Variants in MEF2A observed in about 807,000 individuals in gnomAD.
MEF2A encodes the protein myocyte-specific enhancer factor 2A.
A neutral mutation model predicts 55.8 loss-of-function variants in MEF2A; 28 were observed. That is an observed-to-expected ratio of 0.50 (90% confidence interval 0.37 to 0.69). The LOEUF (loss-of-function observed/expected upper bound fraction) is 0.69, where lower values mean the gene tolerates loss of function less well. Among genes scored for constraint, MEF2A ranks in the 30% least tolerant of loss-of-function variants. MEF2A has a pLI of 0.00. For missense variants in MEF2A, 528 were observed against 626.2 expected, an observed-to-expected ratio of 0.84 and a Z score of 1.67; for synonymous variants, 239 against 227.1, an observed-to-expected ratio of 1.05 and a Z score of -0.47.
At chr15:99,658,178 A>G (rs951194391) in intron 4 of MEF2A, among the ~76,000 whole-genome samples, 4 of 152,178 alleles carry the variant, frequency 2.6e-5, no homozygotes, top group East Asian at 1.9e-4. Context: ...TTCACTTTCT[A>G]TGTTTTAAGA....
chr15:99,709,253 A>G (rs1291564878), intron 10 of MEF2A, among the ~76,000 whole-genome samples: 1 of 152,162 alleles, frequency 6.6e-6, no homozygotes, highest in Admixed American at 6.5e-5. Flanking sequence ...AGGGAAGGGA[A>G]GTAGCAAGGA....
At chr15:99,710,445 G>A (rs2058512124) in intron 10 of MEF2A, among the ~76,000 whole-genome samples, 189 bp from the exon 11 acceptor site, 1 of 152,192 alleles carries the variant, frequency 6.6e-6, no homozygotes, top group African/African-American at 2.4e-5. Context: ...GTTTCACCAT[G>A]TTGTCCAGGC....
At chr15:99,632,707 C>G in intron 2 of MEF2A, among the ~76,000 whole-genome samples, 1 of 152,144 alleles carries the variant, frequency 6.6e-6, no homozygotes. Context: ...CTCAGTAAGG[C>G]TTGGCTCTTG....
chr15:99,648,692 C>G (rs1307779787), intron 4 of MEF2A, among the ~76,000 whole-genome samples: 1 of 152,108 alleles, frequency 6.6e-6, no homozygotes, highest in Non-Finnish European at 1.5e-5. Context: ...TTTACTTTCC[C>G]TATATTACTG....
intron 7 of MEF2A, among the ~76,000 whole-genome samples, chr15:99,689,026 G>C (rs1245899605): frequency 1.3e-5 from 2 of 152,098 alleles, no homozygotes; most frequent in East Asian, 3.9e-4. Flanking sequence ...ACTGACTACA[G>C]TATTCATGAA....
Position 99,712,586 on chromosome 15 carries a change from C to T in MEF2A, c.1333C>T (p.Arg445Ter), listed in dbSNP as rs1280505902. 5 of 1,551,702 alleles carry T rather than the reference C, an allele frequency of 3.2e-6. No homozygotes were observed. Among genetic ancestry groups the T allele is most frequent in the Middle Eastern group, 1.7e-4 (1 of 5,990 alleles). Residue 445 changes from arginine (R) to a stop codon, truncating the protein, a stop_gained, in exon 12 of 12, where the codon CGA becomes TGA. Transcript: ENST00000557942. LOFTEE classifies it high-confidence loss of function. The surrounding 1 kb of genome is among the most constrained non-coding windows in gnomAD (Gnocchi z 4.1). Reference sequence around the variant, plus strand: ...GCCACAACCCCCGCAGCCCCAGCCCCGACAGGAAATGGGGCGCTCCCCTGT... The same window carrying T: ...GCCACAACCCCCGCAGCCCCAGCCCTGACAGGAAATGGGGCGCTCCCCTGT... ...PQPQPPQPQP[R>*]QEMGRSPVDS... is the part of the protein sequence containing the mutation.
intron 1 of MEF2A, among the ~76,000 whole-genome samples, chr15:99,586,447 T>C (rs956287016): frequency 2.6e-5 from 4 of 152,246 alleles, no homozygotes; most frequent in African/African-American, 9.6e-5. Context: ...TAAATGCTTT[T>C]CATTTACTGA....
intron 7 of MEF2A, among the ~76,000 whole-genome samples, chr15:99,676,367 G>T (rs2052032605): frequency 6.6e-6 from 1 of 150,940 alleles, no homozygotes; most frequent in Non-Finnish European, 1.5e-5. Context: ...TTAGTTGTTT[G>T]TATGCCTACA....
intron 2 of MEF2A, among the ~76,000 whole-genome samples, chr15:99,613,191 A>G (rs2039598122): frequency 6.6e-6 from 1 of 152,008 alleles, no homozygotes; most frequent in African/African-American, 2.4e-5. Context: ...TTTAAAAAGT[A>G]CTCTTGCTTG....
rs1452492686 is a variant in MEF2A at position 99,708,158 on chromosome 15, C to T, written c.1009+1303C>T. Among the ~76,000 whole-genome samples, 5 of 152,324 alleles carry T rather than the reference C, an allele frequency of 3.3e-5. No homozygotes were observed. In the South Asian group the frequency reaches 8.3e-4, roughly 25 times the overall value. ...ATCACCTGCTCTGTGAGAGACTGTA[C>T]TAGGGACATAGCTTTCTCCAAGTTT... is the stretch of plus-strand genomic sequence containing the variant. On this transcript the variant is annotated intron_variant, in intron 10 of 11. Coordinates refer to ENST00000557942, the MANE Select transcript of MEF2A (RefSeq NM_001319206.4).
intron 1 of MEF2A, among the ~76,000 whole-genome samples, chr15:99,574,094 T>C (rs1963460546): frequency 2.0e-5 from 3 of 152,192 alleles, no homozygotes; most frequent in Non-Finnish European, 4.4e-5. Flanking sequence ...AGAGAAAAGT[T>C]ACAAGAATAG....
At chr15:99,673,681 G>C (rs1297515785) in intron 5 of MEF2A, among the ~76,000 whole-genome samples, 1 of 152,130 alleles carries the variant, frequency 6.6e-6, no homozygotes, top group Non-Finnish European at 1.5e-5. Flanking sequence ...GAATAATTTG[G>C]AGGGAGGGAA....
intron 8 of MEF2A, among the ~76,000 whole-genome samples, chr15:99,691,103 T>TTTG (rs1483909380): frequency 6.7e-6 from 1 of 149,584 alleles, no homozygotes; most frequent in Non-Finnish European, 1.5e-5. Context: ...GAATCAGGTT[T>TTTG]TTTTTTTTTT....
chr15:99,644,009 CTAGT>C (rs1472299975), intron 3 of MEF2A, among the ~76,000 whole-genome samples: 10 of 152,164 alleles, frequency 6.6e-5, no homozygotes, highest in Non-Finnish European at 1.5e-5. Context: ...ATGGTATTGG[CTAGT>C]TAAATTTTCT....
intron 9 of MEF2A, among the ~76,000 whole-genome samples, chr15:99,705,655 G>A (rs147102123): frequency 4.6e-4 from 70 of 152,180 alleles, no homozygotes; most frequent in Non-Finnish European, 9.6e-4. Flanking sequence ...TCGAATGTTT[G>A]TAAGTGTCTA....
At chr15:99,602,605 G>GTT (rs996258403) in intron 2 of MEF2A, among the ~76,000 whole-genome samples, 1 of 150,836 alleles carries the variant, frequency 6.6e-6, no homozygotes, top group East Asian at 2.0e-4. Flanking sequence ...TAGAGAGACA[G>GTT]TTTAACAACT....
intron 2 of MEF2A, among the ~76,000 whole-genome samples, chr15:99,606,042 A>T (rs1296076469): frequency 5.3e-5 from 8 of 152,170 alleles, no homozygotes; most frequent in Non-Finnish European, 1.5e-5. Context: ...ATCTACAGTC[A>T]CTGATTTCAT....
chr15:99,685,756 G>T (rs1013980009), intron 7 of MEF2A, among the ~76,000 whole-genome samples: 16 of 152,062 alleles, frequency 1.1e-4, no homozygotes, highest in African/African-American at 3.9e-4. Flanking sequence ...CTCATCATGG[G>T]TATTGGTCTG....
At chr15:99,659,623 T>C (rs935785383) in intron 4 of MEF2A, among the ~76,000 whole-genome samples, 2 of 152,212 alleles carry the variant, frequency 1.3e-5, no homozygotes, top group Non-Finnish European at 2.9e-5. Flanking sequence ...ACTTAGATTC[T>C]AGTCCCAGTT....
Sources: gnomAD v4.1 joint callset for allele counts (sites outside exome capture counted in the v4.1 genomes callset) on GRCh38, gnomAD v4.1.1 for gene constraint, Gnocchi (gnomAD v3.1) non-coding constraint, MANE v1.5 for transcripts, NCBI Gene and HGNC (gene_info 2026-07-23, HGNC 2026-07-21) for gene names.